The following HOXB3 variants were observed in gnomAD, a reference collection of about 807,000 sequenced individuals.
HOXB3 encodes homeobox B3.
A neutral mutation model predicts 29.2 loss-of-function variants in HOXB3; 17 were observed. The observed-to-expected ratio is 0.58, with a 90% CI of 0.40 to 0.87. The LOEUF (loss-of-function observed/expected upper bound fraction) is 0.87, where lower values mean the gene tolerates loss of function less well. HOXB3 is among the 40% of genes least tolerant of loss of function. HOXB3 has a pLI of 0.00. For synonymous variants in HOXB3, 317 were observed against 285.9 expected (o/e 1.11, Z -1.10); for missense variants, 637 against 616.3 (o/e 1.03, Z -0.35).
At chr17:48,570,797 C>G (rs527664239) in intron 2 of HOXB3, among the ~76,000 whole-genome samples, 5 of 152,228 alleles carry the variant, frequency 3.3e-5, no homozygotes, top group African/African-American at 4.8e-5. Context: ...AGATACAAAA[C>G]ACAGACTGGT....
chr17:48,588,545 C>A (rs1341130783), intron 1 of HOXB3, among the ~76,000 whole-genome samples: 1 of 152,234 alleles, frequency 6.6e-6, no homozygotes, highest in Admixed American at 6.5e-5. Flanking sequence ...GTCAGACTCT[C>A]CCTTGCAGAG....
At chr17:48,555,312 G>A in intron 3 of HOXB3, 1 of 551,474 alleles carries the variant, frequency 1.8e-6, no homozygotes, top group South Asian at 2.1e-5. Context: ...AGAGAAGCAG[G>A]AAGAGAGAGG....
intron 1 of HOXB3, chr17:48,578,235 G>C: frequency 1.2e-6 from 2 of 1,614,066 alleles, no homozygotes; most frequent in Non-Finnish European, 1.7e-6. Flanking sequence ...TCGCTGGGTA[G>C]GTAATCGCTC....
chr17:48,588,552 A>G (rs2070087957), intron 1 of HOXB3, among the ~76,000 whole-genome samples: 2 of 152,240 alleles, frequency 1.3e-5, no homozygotes, highest in African/African-American at 4.8e-5. Flanking sequence ...TCTCCCTTGC[A>G]GAGCTCTTTG....
intron 1 of HOXB3, among the ~76,000 whole-genome samples, chr17:48,574,639 G>A (rs1597848611): frequency 6.6e-6 from 1 of 152,162 alleles, no homozygotes; most frequent in African/African-American, 2.4e-5. Flanking sequence ...CAATAGACCA[G>A]AGACCCTGAG....
chr17:48,584,877 G>T (rs1031949401), intron 1 of HOXB3, among the ~76,000 whole-genome samples: 1 of 151,592 alleles, frequency 6.6e-6, no homozygotes, highest in East Asian at 1.9e-4. Context: ...AGCATCCCAG[G>T]CTCCCTCGTC....
rs1361042316 is a variant in HOXB3 at position 48,550,185 on chromosome 17, G to C, written c.*149C>G. ...CTTAAAAGCAACCTCTCAGGCCAGG[G>C]GGAAGGGAAGGAGCTCCAGGCCGGT... On this transcript the variant is annotated 3_prime_UTR_variant, in exon 5 of 5. Transcript: ENST00000498678. 5.0e-6 allele frequency: 5 copies of C among 1,010,044 alleles called. No homozygotes were observed. In the East Asian group the frequency reaches 1.3e-4, roughly 26 times the overall value. 62.6% of individuals were successfully genotyped at this position (1,010,044 alleles called of 1,614,324 possible).
rs1011325567 is a variant in HOXB3, at chr17:48,582,268, G to A, written c.-425+7857C>T. 2.0e-5 allele frequency: 3 copies of A among 152,266 alleles called. No homozygotes were observed. The East Asian group carries it at 5.8e-4, about 29-fold the overall frequency. 9.4% of individuals were successfully genotyped at this position (152,266 alleles called of 1,614,324 possible). A position where few individuals can be genotyped will look rare whatever the true frequency, so the allele number is the denominator to read the frequency against. ...GGCGCGGAGGAGAGAAAGGCCCAGA[G>A]GGGGCGCGGGCGAGGGTACTCACCG... On this transcript the variant is annotated intron_variant, in intron 1 of 4. Transcript: ENST00000498678.
In HOXB3 at chr17:48,578,095, C is replaced by T. The variant is rs537839856; in HGVS notation, c.-424-4081G>A. ...GGGGCGGCGGGGGTGGTGGCGGAGG[C>T]GGCGGGGGCCCAGGGTCCCGGCAGG... On this transcript the variant is annotated intron_variant, in intron 1 of 4. Transcript: ENST00000498678. The T allele has an allele frequency of 2.4e-3, 1,977 of 808,792 alleles. 28 individuals are homozygous for T. The African/African-American group carries it at 0.035, about 14-fold the overall frequency. 50.1% of individuals were successfully genotyped at this position (808,792 alleles called of 1,614,324 possible). A position where few individuals can be genotyped will look rare whatever the true frequency, so the allele number is the denominator to read the frequency against.
At position 48,554,486 on chromosome 17, in the gene HOXB3, G is replaced by C. The variant is rs554340325; in HGVS notation, c.-159+1045C>G. On this transcript the variant is annotated intron_variant, in intron 3 of 4. Coordinates refer to ENST00000498678, the MANE Select transcript of HOXB3 (RefSeq NM_001384749.1). This position sits in a 1 kb window ranked among gnomAD's most constrained non-coding sequence, Gnocchi z 4.1. ...TGTGGAAAGCGAAGGAGCCAGAGAC[G>C]CGATAGGAAAGAATGGAGACTCCGC... 1.6e-4 allele frequency: 95 copies of C among 611,134 alleles called. 1 individual carries two copies. In the South Asian group the frequency reaches 1.7e-3, roughly 11 times the overall value. 37.9% of individuals were successfully genotyped at this position (611,134 alleles called of 1,614,324 possible).
rs1341224911 is a variant in HOXB3 at position 48,554,979 on chromosome 17, G to A, written c.-159+552C>T. On this transcript the variant is annotated intron_variant, in intron 3 of 4. Coordinates refer to ENST00000498678, the MANE Select transcript of HOXB3 (RefSeq NM_001384749.1). The surrounding 1 kb of genome is among the most constrained non-coding windows in gnomAD (Gnocchi z 4.1). ...TTGCCTCCATGTTGGAAAAATTCAG[G>A]TTCCATATGGCTCCTCGGGAGGGAG... 1 of 598,702 alleles carries A rather than the reference G, an allele frequency of 1.7e-6. No individual in the cohort carries two copies. Among genetic ancestry groups the A allele is most frequent in the Non-Finnish European group, 3.0e-6 (1 of 334,002 alleles). The allele number at this position is 598,702 out of a possible 1,614,324, so 37.1% of individuals were successfully genotyped here. A position where few individuals can be genotyped will look rare whatever the true frequency, so the allele number is the denominator to read the frequency against.
intron 1 of HOXB3, chr17:48,578,383 G>A: frequency 6.5e-7 from 1 of 1,548,728 alleles, no homozygotes; most frequent in Middle Eastern, 1.9e-4. Flanking sequence ...TCGTTTTCCT[G>A]TTTCCGAAAG....
At chr17:48,583,909 T>C (rs1171963492) in intron 1 of HOXB3, among the ~76,000 whole-genome samples, 1 of 152,228 alleles carries the variant, frequency 6.6e-6, no homozygotes, top group African/African-American at 2.4e-5. Flanking sequence ...AACCTTTGTC[T>C]CTTCTGGCCA....
At chr17:48,555,905 C>T (rs772373451) in intron 2 of HOXB3, among the ~76,000 whole-genome samples, 11 of 152,136 alleles carry the variant, frequency 7.2e-5, no homozygotes, top group Non-Finnish European at 1.2e-4. Flanking sequence ...TGTGGTTGCC[C>T]TATAAGACTG....
chr17:48,578,255 T>A (rs2069836837), intron 1 of HOXB3: 5 of 1,614,058 alleles, frequency 3.1e-6, no homozygotes, highest in Non-Finnish European at 4.2e-6. Context: ...CTGTGAATAT[T>A]CCTCGCATGG....
chr17:48,586,384 A>G (rs1055547148), intron 1 of HOXB3, among the ~76,000 whole-genome samples: 1 of 152,190 alleles, frequency 6.6e-6, no homozygotes, highest in East Asian at 1.9e-4. Context: ...GCCAAAAGAA[A>G]GAACGAAAGA....
intron 1 of HOXB3, chr17:48,576,829 AC>A: frequency 6.2e-7 from 1 of 1,613,976 alleles, no homozygotes; most frequent in Non-Finnish European, 8.5e-7. Context: ...TCTTTTTTCC[AC>A]TTCATGCGCC....
In HOXB3 at chr17:48,549,714, T is replaced by C. The variant is rs888106475; in HGVS notation, c.*620A>G. On this transcript the variant is annotated 3_prime_UTR_variant, in exon 5 of 5. Transcript: ENST00000498678. ...CACCATCCCTGAGCCCTCTAAAAAC[T>C]GTAATTGATGGGGGTGGGATGTATA... 1 of 152,788 alleles carries C rather than the reference T, an allele frequency of 6.5e-6. No individual in the cohort carries two copies. The allele number at this position is 152,788 out of a possible 1,614,324, so 9.5% of individuals were successfully genotyped here. A position where few individuals can be genotyped will look rare whatever the true frequency, so the allele number is the denominator to read the frequency against.
At chr17:48,583,472 C>G (rs1253350069) in intron 1 of HOXB3, among the ~76,000 whole-genome samples, 1 of 152,120 alleles carries the variant, frequency 6.6e-6, no homozygotes, top group East Asian at 1.9e-4. Context: ...CTCCAGCTTC[C>G]TAGGGTCCTG....
Sources: allele counts gnomAD v4.1 joint callset (sites outside exome capture counted in the v4.1 genomes callset), GRCh38; gene constraint gnomAD v4.1.1; non-coding constraint Gnocchi (gnomAD v3.1); transcripts MANE v1.5; gene names NCBI Gene and HGNC (gene_info 2026-07-23, HGNC 2026-07-21).